The following LPP variants were observed in gnomAD, a reference collection of about 807,000 sequenced individuals.
LPP encodes lipoma-preferred partner.
Under a neutral mutation model 60.4 loss-of-function variants are expected in LPP, and 38 were observed. The ratio of observed to expected loss-of-function variants is 0.63; its 90% CI spans 0.49 to 0.83. LPP has a LOEUF of 0.83. Among genes scored for constraint, LPP ranks in the 40% least tolerant of loss-of-function variants. LPP has a pLI of 0.00. For missense variants in LPP, 902 were observed against 783.6 expected, an observed-to-expected ratio of 1.15 and a Z score of -1.80; for synonymous variants, 328 against 290.8, an observed-to-expected ratio of 1.13 and a Z score of -1.30.
intron 5 of LPP, among the ~76,000 whole-genome samples, chr3:188,513,840 A>C (rs983728265): frequency 3.7e-4 from 56 of 152,150 alleles, no homozygotes; most frequent in Non-Finnish European, 1.0e-4. Flanking sequence ...AGTTGGCTTA[A>C]ACTCGGAGTT....
intron 6 of LPP, among the ~76,000 whole-genome samples, chr3:188,571,397 C>T (rs1281363446): frequency 6.6e-6 from 1 of 151,698 alleles, no homozygotes; most frequent in African/African-American, 2.4e-5. Context: ...GGACTGTATG[C>T]AAATGTTTCC....
rs10565240 is a variant in LPP at position 188,582,154 on chromosome 3, C to CTTTTTTT, written c.430-26989_430-26983dup. Among the ~76,000 whole-genome samples, 172 of 102,246 alleles carry CTTTTTTT rather than the reference C, an allele frequency of 1.7e-3. 1 individual carries two copies. Among genetic ancestry groups the CTTTTTTT allele is most frequent in the Middle Eastern group, 8.3e-3 (1 of 120 alleles). 67.1% of individuals were successfully genotyped at this position (102,246 alleles called of 152,430 possible). A position where few individuals can be genotyped will look rare whatever the true frequency, so the allele number is the denominator to read the frequency against. On this transcript the variant is annotated intron_variant, in intron 6 of 11. Transcript: ENST00000617246. ...AATGTCGTTTTACCTTTTTCTTTTT[C>CTTTTTTT]TTTTTTTTTTTTTTTTTTTTTTTTG...
chr3:188,332,338 CCT>C (rs1398350217), intron 2 of LPP, among the ~76,000 whole-genome samples: 1 of 152,148 alleles, frequency 6.6e-6, no homozygotes, highest in Non-Finnish European at 1.5e-5. Flanking sequence ...TCACTTAACT[CCT>C]CGCTAAATGC....
rs1200920475 is a variant in LPP at position 188,352,115 on chromosome 3, G to A, written c.-10+10396G>A. Among the ~76,000 whole-genome samples the A allele has an allele frequency of 1.3e-5, 2 of 152,024 alleles. No homozygotes were observed. Among genetic ancestry groups the A allele is most frequent in the Non-Finnish European group, 2.9e-5 (2 of 68,038 alleles). ...TTCCTCCTTCTCCTGACTTAACCTT[G>A]GGTGGCCGCAGGTCTTAAGGCTCTG... is the stretch of plus-strand genomic sequence containing the variant. On this transcript the variant is annotated intron_variant, in intron 3 of 11. Transcript: ENST00000617246. This position sits in a 1 kb window ranked among gnomAD's most constrained non-coding sequence, Gnocchi z 4.4.
chr3:188,271,654 T>C (rs910682208), intron 2 of LPP, among the ~76,000 whole-genome samples: 1 of 152,338 alleles, frequency 6.6e-6, no homozygotes, highest in Admixed American at 6.5e-5. Context: ...TGTAGTCTAT[T>C]TTCAACAGAC....
chr3:188,697,449 A>G (rs1269182495), intron 7 of LPP, among the ~76,000 whole-genome samples: 1 of 152,232 alleles, frequency 6.6e-6, no homozygotes, highest in Non-Finnish European at 1.5e-5. Flanking sequence ...ACGTTCAGGC[A>G]TCTGTCAAGC....
At chr3:188,390,706 C>A (rs1416992164) in intron 3 of LPP, among the ~76,000 whole-genome samples, 1 of 151,902 alleles carries the variant, frequency 6.6e-6, no homozygotes, top group Non-Finnish European at 1.5e-5. Context: ...AAATTAGTGG[C>A]TTTTCTTGAG....
chr3:188,852,016 T>C (rs1260340188), intron 9 of LPP, among the ~76,000 whole-genome samples: 1 of 151,836 alleles, frequency 6.6e-6, no homozygotes, highest in African/African-American at 2.4e-5. Context: ...ATACAAAAAT[T>C]AGCCAGGCAT....
chr3:188,217,968 A>C lies in LPP; in HGVS notation c.-189-7437A>C, dbSNP rs1196715163. ...TTTTTGTAAAACATTCTTTCCCACC[A>C]AGAATGAGGAACGTTCAGAGTGATG... On this transcript the variant is annotated intron_variant, in intron 1 of 11. Coordinates refer to ENST00000617246, the MANE Select transcript of LPP (RefSeq NM_001375462.1). This position sits in a 1 kb window ranked among gnomAD's most constrained non-coding sequence, Gnocchi z 4.0. Among the ~76,000 whole-genome samples the C allele has an allele frequency of 6.6e-6, 1 of 152,166 alleles. No individual in the cohort carries two copies. The highest frequency in any genetic ancestry group is 2.4e-5 in the African/African-American group (1 of 41,426).
At chr3:188,730,277 T>C (rs1226806227) in intron 8 of LPP, among the ~76,000 whole-genome samples, 1 of 152,146 alleles carries the variant, frequency 6.6e-6, no homozygotes, top group Non-Finnish European at 1.5e-5. Flanking sequence ...TCTGACTTCA[T>C]TATTTATTTA....
chr3:188,484,809 A>G lies in LPP; in HGVS notation c.306+105A>G, dbSNP rs1805856333. 3 of 836,436 alleles carry G rather than the reference A, an allele frequency of 3.6e-6. No individual in the cohort carries two copies. The South Asian group carries it at 4.6e-5, about 13-fold the overall frequency. The allele number at this position is 836,436 out of a possible 1,614,324, so 51.8% of individuals were successfully genotyped here. On this transcript the variant is annotated intron_variant, in intron 5 of 11. Coordinates refer to ENST00000617246, the MANE Select transcript of LPP (RefSeq NM_001375462.1). Reference sequence around the variant, plus strand: ...AATTTCATGAGTGTTTCTGTGCTGGATAAACATTTATCCAGAGCCTATTGA... The same window carrying G: ...AATTTCATGAGTGTTTCTGTGCTGGGTAAACATTTATCCAGAGCCTATTGA...
At chr3:188,625,063 T>C (rs375990420) in intron 7 of LPP, among the ~76,000 whole-genome samples, 2 of 152,170 alleles carry the variant, frequency 1.3e-5, no homozygotes, top group Non-Finnish European at 2.9e-5. Context: ...TAAAGACAGA[T>C]GTCTAGTTTT....
In LPP at chr3:188,535,588, G is replaced by A. The variant is rs114719259; in HGVS notation, c.429+10801G>A. Among the ~76,000 whole-genome samples, 377 of 152,172 alleles carry A rather than the reference G, an allele frequency of 2.5e-3. 4 individuals are homozygous for A. Among genetic ancestry groups the A allele is most frequent in the African/African-American group, 8.7e-3 (362 of 41,518 alleles). On this transcript the variant is annotated intron_variant, in intron 6 of 11. Coordinates refer to ENST00000617246, the MANE Select transcript of LPP (RefSeq NM_001375462.1). Reference sequence around the variant, plus strand: ...TTTTTAAAATAAAGAACATGTATTTGCATTAAGAAAAATAAGTGTGGCCGA... The same window carrying A: ...TTTTTAAAATAAAGAACATGTATTTACATTAAGAAAAATAAGTGTGGCCGA...
At chr3:188,506,746 G>A (rs1813579979) in intron 5 of LPP, among the ~76,000 whole-genome samples, 1 of 152,152 alleles carries the variant, frequency 6.6e-6, no homozygotes, top group South Asian at 2.1e-4. Flanking sequence ...GCAATTGCCT[G>A]AAGGCAGGAT....
intron 5 of LPP, among the ~76,000 whole-genome samples, chr3:188,514,705 G>T (rs1414325292): frequency 1.3e-5 from 2 of 152,178 alleles, no homozygotes; most frequent in Non-Finnish European, 2.9e-5. Flanking sequence ...GCCTCCCAAG[G>T]TGTTGGGATT....
intron 6 of LPP, among the ~76,000 whole-genome samples, chr3:188,592,974 C>A (rs1485067207): frequency 6.6e-6 from 1 of 152,108 alleles, no homozygotes; most frequent in African/African-American, 2.4e-5. Flanking sequence ...CAAAGTTGAA[C>A]TCTCCTCTTA....
intron 9 of LPP, among the ~76,000 whole-genome samples, chr3:188,830,389 G>A (rs965478094): frequency 5.9e-5 from 9 of 151,500 alleles, no homozygotes; most frequent in African/African-American, 1.9e-4. Context: ...CAGATCACGA[G>A]GTCAGGAGAT....
At chr3:188,242,025 C>T (rs892982858) in intron 2 of LPP, among the ~76,000 whole-genome samples, 10 of 152,100 alleles carry the variant, frequency 6.6e-5, no homozygotes, top group African/African-American at 2.4e-4. Context: ...GAGGCCAAAT[C>T]GCAGGGTGGA....
At position 188,497,030 on chromosome 3, in the gene LPP, C is replaced by G. The variant is rs78751216; in HGVS notation, c.306+12326C>G. 4.8e-3 allele frequency among the ~76,000 whole-genome samples: 717 copies of G among 150,020 alleles called. 5 individuals are homozygous for G. The highest frequency in any genetic ancestry group is 0.017 in the African/African-American group (696 of 40,472). On this transcript the variant is annotated intron_variant, in intron 5 of 11. Transcript: ENST00000617246. ...GTGGCATTTTTTTTTTTAAGGAATA[C>G]AGGATTGATACAAGAATGAGAGCAT... is the stretch of plus-strand genomic sequence containing the variant.
Sources: gnomAD v4.1 joint callset for allele counts (sites outside exome capture counted in the v4.1 genomes callset) on GRCh38, gnomAD v4.1.1 for gene constraint, Gnocchi (gnomAD v3.1) non-coding constraint, MANE v1.5 for transcripts, NCBI Gene and HGNC (gene_info 2026-07-23, HGNC 2026-07-21) for gene names.